Variants in COL4A6 observed in about 807,000 individuals in gnomAD.
COL4A6 encodes collagen type IV alpha 6 chain.
Under a neutral mutation model 126.7 loss-of-function variants are expected in COL4A6, and 59 were observed. That is an observed-to-expected ratio of 0.47 (90% confidence interval 0.38 to 0.58). COL4A6 has a LOEUF of 0.58. Among genes scored for constraint, COL4A6 ranks in the 20% least tolerant of loss-of-function variants. The probability of loss-of-function intolerance (pLI) is 0.00; values close to 1 mark genes in which losing one functional copy is unlikely to be tolerated. For missense variants in COL4A6, 1,285 were observed against 1,337.3 expected, an observed-to-expected ratio of 0.96 and a Z score of 0.61; for synonymous variants, 547 against 496.6, an observed-to-expected ratio of 1.10 and a Z score of -1.35.
intron 2 of COL4A6, among the ~76,000 whole-genome samples, chrX:108,385,291 G>C (rs1396138864): frequency 9.5e-6 from 1 of 105,205 alleles, no homozygotes; most frequent in Admixed American, 1.0e-4. Flanking sequence ...GAATTACTTT[G>C]ACAAAAAAGG....
At chrX:108,324,419 T>G (rs982346342) in intron 2 of COL4A6, among the ~76,000 whole-genome samples, 30 of 112,127 alleles carry the variant, frequency 2.7e-4, no homozygotes, top group African/African-American at 9.4e-4. Flanking sequence ...GTTCTTAAAA[T>G]AGAAGCCTCT....
intron 3 of COL4A6, among the ~76,000 whole-genome samples, chrX:108,275,989 T>C (rs2037590956): frequency 8.9e-6 from 1 of 112,993 alleles, no homozygotes. Flanking sequence ...TTCCAGGCCA[T>C]TTCTCTAAAA....
intron 28 of COL4A6, 91 bp downstream of exon 28, chrX:108,176,750 C>T: frequency 1.0e-6 from 1 of 979,802 alleles, no homozygotes; most frequent in East Asian, 3.1e-5. Flanking sequence ...TCCCCATTTC[C>T]CATTCCTAGG....
At position 108,202,999 on chromosome X, in the gene COL4A6, G is replaced by A. The variant is rs900698768; in HGVS notation, c.781-18C>T. 1 of 1,199,284 alleles carries A rather than the reference G, an allele frequency of 8.3e-7. No individual in the cohort carries two copies. Among genetic ancestry groups the A allele is most frequent in the African/African-American group, 1.8e-5 (1 of 56,802 alleles). ...GGTTCACCCTGGAAAATCAGCCCAA[G>A]GTTAGTAAGTAGCATCAGGAAGCAG... is the stretch of plus-strand genomic sequence containing the variant. On this transcript the variant is annotated intron_variant, in intron 12 of 44. Coordinates refer to ENST00000334504, the MANE Select transcript of COL4A6 (RefSeq NM_033641.4).
intron 2 of COL4A6, among the ~76,000 whole-genome samples, chrX:108,421,618 C>T (rs148973021): frequency 2.7e-3 from 308 of 112,122 alleles, no homozygotes; most frequent in African/African-American, 9.3e-3. Context: ...AATTTTTGCA[C>T]GAAATCTGGT....
chrX:108,249,489 G>A (rs916315320), intron 3 of COL4A6, among the ~76,000 whole-genome samples: 7 of 111,627 alleles, frequency 6.3e-5, no homozygotes, highest in Non-Finnish European at 1.1e-4. Context: ...TATACTTCTA[G>A]TCCATTTCCC....
intron 3 of COL4A6, among the ~76,000 whole-genome samples, chrX:108,241,993 GT>G (rs754002626): frequency 0.022 from 1,849 of 85,855 alleles, 23 homozygotes; most frequent in Middle Eastern, 0.051. Flanking sequence ...GATTTCACCA[GT>G]TTTTTTTTTT....
At chrX:108,358,707 T>A (rs1035324122) in intron 2 of COL4A6, among the ~76,000 whole-genome samples, 2 of 112,368 alleles carry the variant, frequency 1.8e-5, no homozygotes, top group Non-Finnish European at 3.8e-5. Context: ...TAATGACTTT[T>A]AAAAATTTTT....
chrX:108,254,502 GTTTTTGTTTTTTGT>G (rs752616123), intron 3 of COL4A6, among the ~76,000 whole-genome samples: 3 of 110,846 alleles, frequency 2.7e-5, no homozygotes, highest in African/African-American at 6.5e-5. Context: ...AGTTCACTTT[GTTTTTGTTTTTTGT>G]TTTTTGTTTT....
At chrX:108,282,913 C>T (rs1031990128) in intron 3 of COL4A6, among the ~76,000 whole-genome samples, 68 of 102,278 alleles carry the variant, frequency 6.6e-4, no homozygotes, top group Non-Finnish European at 1.2e-3. Flanking sequence ...AACCAAACAC[C>T]GCATATTCTT....
intron 2 of COL4A6, among the ~76,000 whole-genome samples, chrX:108,391,860 A>G (rs950661567): frequency 1.3e-4 from 15 of 112,322 alleles, no homozygotes; most frequent in African/African-American, 2.9e-4. Context: ...ACCAGTCCCA[A>G]TGAGATGAAC....
rs775926854 is a variant in COL4A6, at chrX:108,155,666, TACTC to T, written c.*1330_*1333del. On this transcript the variant is annotated 3_prime_UTR_variant, in exon 45 of 45. Coordinates refer to ENST00000334504, the MANE Select transcript of COL4A6 (RefSeq NM_033641.4). The stretch of plus-strand genomic sequence containing the variant: ...TGTACAAAACTGACACCATGCTTAT[TACTC>T]AGGAGGTAAAGATAACAATAATTCA... The T allele has an allele frequency of 9.8e-5, 11 of 112,341 alleles. No homozygotes were observed. The highest frequency in any genetic ancestry group is 2.6e-4 in the African/African-American group (8 of 30,968). 9.3% of individuals were successfully genotyped at this position (112,341 alleles called of 1,213,427 possible). A position where few individuals can be genotyped will look rare whatever the true frequency, so the allele number is the denominator to read the frequency against.
intron 3 of COL4A6, among the ~76,000 whole-genome samples, chrX:108,247,023 C>T (rs2036735125): frequency 9.0e-6 from 1 of 111,604 alleles, no homozygotes; most frequent in Admixed American, 9.5e-5. Context: ...AGCACTAGTA[C>T]AATGCCTGAT....
intron 2 of COL4A6, among the ~76,000 whole-genome samples, chrX:108,428,852 C>A (rs1322990379): frequency 7.2e-5 from 8 of 111,228 alleles, no homozygotes. Flanking sequence ...TCAGATTAGA[C>A]TCTGAAGAAG....
intron 3 of COL4A6, among the ~76,000 whole-genome samples, chrX:108,279,007 AG>A (rs1430102661): frequency 8.9e-6 from 1 of 112,079 alleles, no homozygotes; most frequent in East Asian, 2.8e-4. Flanking sequence ...AAACACGGAA[AG>A]GAACAACCGG....
chrX:108,322,055 C>A (rs192503925), intron 2 of COL4A6, among the ~76,000 whole-genome samples: 1 of 111,497 alleles, frequency 9.0e-6, no homozygotes, highest in African/African-American at 3.3e-5. Context: ...CCCCGTTTAA[C>A]ATCACCCTAC....
intron 12 of COL4A6, among the ~76,000 whole-genome samples, chrX:108,203,355 A>G (rs1569351088): frequency 8.9e-6 from 1 of 112,368 alleles, no homozygotes; most frequent in Non-Finnish European, 1.9e-5. Context: ...GGAAAAGGGT[A>G]ACAATTACAA....
At chrX:108,205,574 T>C (rs1449376271) in intron 10 of COL4A6, 86 bp downstream of exon 10, 1 of 1,111,428 alleles carries the variant, frequency 9.0e-7, no homozygotes, top group African/African-American at 1.8e-5. Flanking sequence ...TACCAGAAAG[T>C]AGGGTTAACC....
At chrX:108,377,836 C>T (rs1458666601) in intron 2 of COL4A6, among the ~76,000 whole-genome samples, 3 of 103,478 alleles carry the variant, frequency 2.9e-5, no homozygotes, top group Admixed American at 1.1e-4. Flanking sequence ...TAGCTACTAG[C>T]GAGGCTGAGG....
Sources: gnomAD v4.1 joint callset for allele counts (sites outside exome capture counted in the v4.1 genomes callset) on GRCh38, gnomAD v4.1.1 for gene constraint, MANE v1.5 for transcripts, NCBI Gene and HGNC (gene_info 2026-07-23, HGNC 2026-07-21) for gene names.